The following MVB12B variants were observed in gnomAD, a reference collection of about 807,000 sequenced individuals.
MVB12B encodes multivesicular body subunit 12B, also known as ESCRT-I complex subunit MVB12B.
In MVB12B, 16 loss-of-function variants were observed where a neutral mutation model predicts 41.6. That is an observed-to-expected ratio of 0.38 (90% CI 0.26 to 0.58). The LOEUF (loss-of-function observed/expected upper bound fraction) is 0.58, where lower values mean the gene tolerates loss of function less well. Among genes scored for constraint, MVB12B ranks in the 20% least tolerant of loss-of-function variants. MVB12B has a pLI of 0.62. For synonymous variants in MVB12B, 133 were observed against 139.7 expected (o/e 0.95, Z 0.34); for missense variants, 274 against 380.2 (o/e 0.72, Z 2.32).
intron 2 of MVB12B, among the ~76,000 whole-genome samples, chr9:126,363,037 A>T (rs1830067290): frequency 6.6e-6 from 1 of 152,044 alleles, no homozygotes; most frequent in Non-Finnish European, 1.5e-5. Context: ...AAATACAAAC[A>T]TTAGCTGGGT....
intron 7 of MVB12B, among the ~76,000 whole-genome samples, chr9:126,469,526 C>A (rs1171426445): frequency 3.9e-5 from 6 of 152,356 alleles, no homozygotes; most frequent in Non-Finnish European, 8.8e-5. Flanking sequence ...ATGTGATGCT[C>A]AGCCTGGGGG....
At chr9:126,472,134 A>G (rs1388638360) in intron 7 of MVB12B, among the ~76,000 whole-genome samples, 2 of 152,082 alleles carry the variant, frequency 1.3e-5, no homozygotes, top group African/African-American at 4.8e-5. Context: ...GCAGCTAGGT[A>G]TTCCGGGGCA....
intron 2 of MVB12B, among the ~76,000 whole-genome samples, chr9:126,374,980 C>G (rs960649279): frequency 6.6e-6 from 1 of 152,190 alleles, no homozygotes; most frequent in Non-Finnish European, 1.5e-5. Context: ...CCCTGTCTCC[C>G]CACCTTCACC....
chr9:126,415,243 G>A (rs1831780150), intron 6 of MVB12B, among the ~76,000 whole-genome samples: 1 of 152,110 alleles, frequency 6.6e-6, no homozygotes, highest in Non-Finnish European at 1.5e-5. Flanking sequence ...TGAACCAGAG[G>A]CCTTTGTATG....
chr9:126,498,080 CCT>C (rs1833875874), intron 9 of MVB12B, among the ~76,000 whole-genome samples: 1 of 151,654 alleles, frequency 6.6e-6, no homozygotes, highest in Non-Finnish European at 1.5e-5. Flanking sequence ...CTGGGCCCTG[CCT>C]CTCTCCTCCC....
Position 126,400,521 on chromosome 9 carries a change from C to T in MVB12B, c.662+4824C>T, listed in dbSNP as rs549912976. On this transcript the variant is annotated intron_variant, in intron 6 of 9. Coordinates refer to ENST00000361171, the MANE Select transcript of MVB12B (RefSeq NM_033446.3). ...GTATTTAAGGAACTTGTCATATTCC[C>T]TCTCCCCACCTACAGAAATTCAGGT... Among the ~76,000 whole-genome samples the T allele has an allele frequency of 2.0e-5, 3 of 152,266 alleles. No homozygotes were observed. The East Asian group carries it at 5.8e-4, about 29-fold the overall frequency.
chr9:126,412,298 A>C (rs565184707), intron 6 of MVB12B, among the ~76,000 whole-genome samples: 1 of 152,158 alleles, frequency 6.6e-6, no homozygotes, highest in South Asian at 2.1e-4. Flanking sequence ...ACTTCTTCCC[A>C]GTGGTGTTTG....
At chr9:126,500,384 C>T (rs908976764) in intron 9 of MVB12B, among the ~76,000 whole-genome samples, 3 of 152,194 alleles carry the variant, frequency 2.0e-5, no homozygotes, top group Admixed American at 6.5e-5. Context: ...TGTCCCACCC[C>T]CTCCCCCAAC....
At chr9:126,366,101 C>T (rs559574418) in intron 2 of MVB12B, among the ~76,000 whole-genome samples, 32 of 152,220 alleles carry the variant, frequency 2.1e-4, no homozygotes, top group African/African-American at 7.2e-4. Context: ...TCCACAAAGA[C>T]ATGCCTCTGT....
intron 7 of MVB12B, among the ~76,000 whole-genome samples, chr9:126,450,717 TC>T (rs1832872961): frequency 6.6e-6 from 1 of 152,220 alleles, no homozygotes; most frequent in African/African-American, 2.4e-5. Context: ...ATATAATTAA[TC>T]CCAGTTAATA....
intron 2 of MVB12B, among the ~76,000 whole-genome samples, chr9:126,360,556 T>C (rs1031961097): frequency 6.6e-6 from 1 of 152,238 alleles, no homozygotes; most frequent in African/African-American, 2.4e-5. Context: ...TCTTCTTCTG[T>C]TGCAGTTGAG....
intron 9 of MVB12B, 53 bp from the exon 10 acceptor site, chr9:126,503,124 C>T (rs908612676): frequency 2.8e-6 from 4 of 1,450,900 alleles, no homozygotes; most frequent in Non-Finnish European, 3.8e-6. Context: ...GGAGGGGTTT[C>T]CCTAGTGTCC....
intron 9 of MVB12B, among the ~76,000 whole-genome samples, chr9:126,487,634 G>A (rs931720066): frequency 9.2e-5 from 14 of 152,138 alleles, no homozygotes; most frequent in Non-Finnish European, 1.8e-4. Flanking sequence ...GCTTGGTGGA[G>A]CACACCTGTA....
At chr9:126,481,347 C>CTT in intron 7 of MVB12B, 22 bp from the exon 8 acceptor site, 2 of 1,586,516 alleles carry the variant, frequency 1.3e-6, no homozygotes, top group Non-Finnish European at 1.7e-6. Context: ...TTAATGCCAT[C>CTT]TTTTTTTTTC....
Position 126,457,343 on chromosome 9 carries a change from G to A in MVB12B, c.758-24026G>A, listed in dbSNP as rs1029865436. Among the ~76,000 whole-genome samples, 8 of 152,082 alleles carry A rather than the reference G, an allele frequency of 5.3e-5. No homozygotes were observed. In the South Asian group the frequency reaches 1.0e-3, roughly 20 times the overall value. On this transcript the variant is annotated intron_variant, in intron 7 of 9. Coordinates refer to ENST00000361171, the MANE Select transcript of MVB12B (RefSeq NM_033446.3). ...TGCTTTTGCAGGAGAAAAGTGGGGC[G>A]CCTCTCAGCCAGGCTGAAATCTGGG... is the stretch of plus-strand genomic sequence containing the variant.
intron 7 of MVB12B, among the ~76,000 whole-genome samples, chr9:126,434,801 G>A (rs1241939944): frequency 2.0e-5 from 3 of 152,128 alleles, no homozygotes; most frequent in African/African-American, 4.8e-5. Context: ...TAAAACTCTG[G>A]CCATTTGCTT....
At chr9:126,479,879 G>C (rs1233876450) in intron 7 of MVB12B, among the ~76,000 whole-genome samples, 1 of 152,220 alleles carries the variant, frequency 6.6e-6, no homozygotes, top group African/African-American at 2.4e-5. Flanking sequence ...AACGTAGCAT[G>C]AGCCATTCGG....
At chr9:126,338,794 C>G (rs1829358631) in intron 1 of MVB12B, among the ~76,000 whole-genome samples, 1 of 152,162 alleles carries the variant, frequency 6.6e-6, no homozygotes, top group Non-Finnish European at 1.5e-5. Context: ...TGATCAATGC[C>G]TGCTCTGGAT....
At position 126,454,527 on chromosome 9, in the gene MVB12B, G is replaced by A. The variant is rs376697266; in HGVS notation, c.758-26842G>A. ...ACACCCAGGTGGCCTGGGGCTGGGCGAGTAGAAAGGTGGCCCCTGGTCTTA... is the reference window on the plus strand; with the variant it reads ...ACACCCAGGTGGCCTGGGGCTGGGCAAGTAGAAAGGTGGCCCCTGGTCTTA... On this transcript the variant is annotated intron_variant, in intron 7 of 9. Coordinates refer to ENST00000361171, the MANE Select transcript of MVB12B (RefSeq NM_033446.3). Among the ~76,000 whole-genome samples the A allele has an allele frequency of 2.8e-4, 43 of 152,360 alleles. No homozygotes were observed. The East Asian group carries it at 5.6e-3, about 20-fold the overall frequency.
Sources: gnomAD v4.1 joint callset for allele counts (sites outside exome capture counted in the v4.1 genomes callset) on GRCh38, gnomAD v4.1.1 for gene constraint, MANE v1.5 for transcripts, NCBI Gene and HGNC (gene_info 2026-07-23, HGNC 2026-07-21) for gene names.